Variants in AMHR2 observed in about 807,000 individuals in gnomAD.
The protein encoded by AMHR2 is anti-Mullerian hormone receptor type 2, also known as anti-Muellerian hormone type-2 receptor.
AMHR2 carries 36 observed loss-of-function variants against 61.4 expected under a neutral mutation model. The observed-to-expected ratio is 0.59, with a 90% CI of 0.45 to 0.77. The LOEUF is 0.77. Ranked by LOEUF, AMHR2 falls within the 30% of genes least tolerant of loss-of-function variation. The pLI is 0.00. For missense variants in AMHR2, 638 were observed against 714.6 expected (o/e 0.89, Z 1.22); for synonymous variants, 258 against 279.4 (o/e 0.92, Z 0.76).
rs1409119370 is a variant in AMHR2, at chr12:53,429,572, C to T, written c.1087C>T (p.Gln363Ter). Residue 363 changes from glutamine to a stop codon, truncating the protein, a stop_gained, in exon 8 of 11, where the codon CAG (glutamine) becomes TAG (stop). Coordinates refer to ENST00000257863, the MANE Select transcript of AMHR2 (RefSeq NM_020547.3). LOFTEE classifies it high-confidence loss of function. ...TGCCTTGGTGCTCCCTGGCCTCACT[C>T]AGCCCCCTGCCTGGACCCCTACTCA... ...GLALVLPGLT[Q>*]PPAWTPTQPQ... is the part of the protein sequence containing the mutation. 1 of 1,614,074 alleles carries T rather than the reference C, an allele frequency of 6.2e-7. No homozygotes were observed. Among genetic ancestry groups the T allele is most frequent in the Non-Finnish European group, 8.5e-7 (1 of 1,180,016 alleles).
At chr12:53,429,089 T>C in intron 7 of AMHR2, 79 bp downstream of exon 7, 1 of 1,343,706 alleles carries the variant, frequency 7.4e-7, no homozygotes, top group Non-Finnish European at 1.0e-6. Flanking sequence ...AGGGGAAAGA[T>C]TGGGTCAAAA....
intron 1 of AMHR2, 133 bp from the exon 2 acceptor site, chr12:53,424,155 C>G (rs1939315092): frequency 4.4e-6 from 6 of 1,368,828 alleles, no homozygotes; most frequent in Non-Finnish European, 6.2e-6. Context: ...CTCTGCTGAC[C>G]CTGCTTCCTC....
intron 8 of AMHR2, 86 bp from the exon 9 acceptor site, chr12:53,429,745 G>A (rs1272656235): frequency 1.9e-6 from 3 of 1,605,238 alleles, no homozygotes; most frequent in Admixed American, 3.4e-5. Flanking sequence ...TGCTGAGTCT[G>A]TAGTTGGGGG....
chr12:53,429,910 G>A lies in AMHR2; in HGVS notation c.1220G>A (p.Arg407Gln), dbSNP rs766690921. ...DLQDWGMALR[R>Q]ADIYSLALLL... ...CAGGATTGGGGCATGGCCCTCCGACGAGCTGATATTTACTCTTTGGCTCTG... is the reference window on the plus strand; with the variant it reads ...CAGGATTGGGGCATGGCCCTCCGACAAGCTGATATTTACTCTTTGGCTCTG... The change falls in exon 9 of 11, where the codon CGA becomes CAA. Residue 407 changes from arginine to glutamine, a missense_variant. Coordinates refer to ENST00000257863, the MANE Select transcript of AMHR2 (RefSeq NM_020547.3). 9.3e-6 allele frequency: 15 copies of A among 1,614,028 alleles called. No individual in the cohort carries two copies. Among genetic ancestry groups the A allele is most frequent in the African/African-American group, 4.0e-5 (3 of 74,890 alleles).
chr12:53,426,094 GC>G (rs1226000640), intron 6 of AMHR2, among the ~76,000 whole-genome samples, 175 bp downstream of exon 6: 3 of 152,310 alleles, frequency 2.0e-5, no homozygotes, highest in African/African-American at 7.2e-5. Flanking sequence ...ACTTTGGGAG[GC>G]CAAGGTGGGT....
Position 53,430,217 on chromosome 12 carries a change from T to C in AMHR2, c.1360T>C (p.Trp454Arg). The C allele has an allele frequency of 1.2e-6, 2 of 1,614,198 alleles. No individual in the cohort carries two copies. Among genetic ancestry groups the C allele is most frequent in the East Asian group, 2.2e-5 (1 of 44,880 alleles). ...LGNTPTSDEL[W>R]ALAVQERRRP... is the part of the protein sequence containing the mutation. ...CAATACCCCTACCTCTGATGAGCTA[T>C]GGGCCTTGGCAGTGCAGGAGAGGAG... The change falls in exon 10 of 11, where the codon TGG (tryptophan) becomes CGG (arginine). Residue 454 changes from tryptophan to arginine, a missense_variant. Coordinates refer to ENST00000257863, the MANE Select transcript of AMHR2 (RefSeq NM_020547.3).
chr12:53,427,342 A>G (rs529212429), intron 6 of AMHR2, among the ~76,000 whole-genome samples: 79 of 152,328 alleles, frequency 5.2e-4, no homozygotes, highest in African/African-American at 1.9e-3. Flanking sequence ...GGGCTTTTTA[A>G]GTTTTCATAC....
chr12:53,424,182 C>T, intron 1 of AMHR2, 106 bp from the exon 2 acceptor site: 1 of 1,489,052 alleles, frequency 6.7e-7, no homozygotes. Context: ...CTTTACCATA[C>T]TGACGCTGGG....
chr12:53,429,774 G>A, intron 8 of AMHR2, 57 bp from the exon 9 acceptor site: 1 of 1,612,318 alleles, frequency 6.2e-7, no homozygotes, highest in East Asian at 2.2e-5. Flanking sequence ...ATGGACCATT[G>A]CTGCAATGAG....
At chr12:53,430,107 T>C in intron 9 of AMHR2, 39 bp from the exon 10 acceptor site, 1 of 1,614,056 alleles carries the variant, frequency 6.2e-7, no homozygotes, top group Non-Finnish European at 8.5e-7. Context: ...TAGGCACCCC[T>C]AGGACTAACT....
intron 2 of AMHR2, 33 bp from the exon 3 acceptor site, chr12:53,424,676 T>A: frequency 6.2e-7 from 1 of 1,602,444 alleles, no homozygotes; most frequent in South Asian, 1.1e-5. Context: ...TGCCCCCCCT[T>A]TCTCTCCTCT....
chr12:53,425,951 T>C, intron 6 of AMHR2, 32 bp downstream of exon 6: 1 of 1,593,422 alleles, frequency 6.3e-7, no homozygotes, highest in Non-Finnish European at 8.6e-7. Context: ...TGTGTGTGTG[T>C]GTGCCTGTGT....
chr12:53,430,600 T>C (rs1816160040), intron 10 of AMHR2: 1 of 472,550 alleles, frequency 2.1e-6, no homozygotes, highest in Non-Finnish European at 3.9e-6. Context: ...CCTCCTTGGC[T>C]TTGCTCTTGC....
At chr12:53,425,414 A>G (rs374421820) in intron 4 of AMHR2, 41 bp from the exon 5 acceptor site, 75 of 1,609,346 alleles carry the variant, frequency 4.7e-5, no homozygotes, top group Middle Eastern at 1.6e-4. Flanking sequence ...TCCTGTCCCT[A>G]TGCATTTGCA....
rs1484713604 is a variant in AMHR2, at chr12:53,431,289, A to G, written c.1538A>G (p.Glu513Gly). The change falls in exon 11 of 11, where the codon GAG becomes GGG. Residue 513 changes from glutamate to glycine, a missense_variant. Physicochemically the swap from Glu to Gly is moderately conservative, Grantham distance 98. Coordinates refer to ENST00000257863, the MANE Select transcript of AMHR2 (RefSeq NM_020547.3). ...CTGGCTGCCTTGGCCCATCCTCAAG[A>G]GAGCCACCCCTTTCCAGAGAGCTGT... Reference protein sequence around the residue: ...QRLAALAHPQESHPFPESCPR... With the variant: ...QRLAALAHPQGSHPFPESCPR... 6.2e-7 allele frequency: 1 copy of G among 1,614,174 alleles called. No individual in the cohort carries two copies. The highest frequency in any genetic ancestry group is 1.1e-5 in the South Asian group (1 of 91,082).
chr12:53,428,836 T>TG, intron 6 of AMHR2, 60 bp from the exon 7 acceptor site: 1 of 1,245,228 alleles, frequency 8.0e-7, no homozygotes, highest in Non-Finnish European at 1.1e-6. Context: ...CTCTGCTCCC[T>TG]GGGATGGATC....
At position 53,429,968 on chromosome 12, in the gene AMHR2, T is replaced by A; in HGVS notation, c.1278T>A (p.Asp426Glu). The change falls in exon 9 of 11, where the codon GAT becomes GAA. Residue 426 changes from aspartate to glutamate, a missense_variant. Asp to Glu is a conservative substitution (Grantham distance 45). Transcript: ENST00000257863. Reference sequence around the variant, plus strand: ...GGGAGATACTGAGCCGCTGCCCAGATTTGAGGCCTGGTAAGGATGGGTGGT... The same window carrying A: ...GGGAGATACTGAGCCGCTGCCCAGAATTGAGGCCTGGTAAGGATGGGTGGT... The part of the protein sequence containing the change: ...LLWEILSRCP[D>E]LRPDSSPPPF... 6.2e-7 allele frequency: 1 copy of A among 1,614,178 alleles called. No homozygotes were observed. Among genetic ancestry groups the A allele is most frequent in the Non-Finnish European group, 8.5e-7 (1 of 1,180,020 alleles).
intron 6 of AMHR2, among the ~76,000 whole-genome samples, chr12:53,428,454 C>T (rs897559568): frequency 1.2e-4 from 19 of 152,178 alleles, no homozygotes; most frequent in African/African-American, 3.9e-4. Flanking sequence ...CTGTCTTTGC[C>T]GCATGTCTTC....
At chr12:53,427,683 G>A (rs538171390) in intron 6 of AMHR2, among the ~76,000 whole-genome samples, 3 of 152,306 alleles carry the variant, frequency 2.0e-5, no homozygotes, top group South Asian at 4.1e-4. Context: ...AATTACAGGC[G>A]TGAGCCACCC....
Sources: gnomAD v4.1 joint callset for allele counts (sites outside exome capture counted in the v4.1 genomes callset) on GRCh38, gnomAD v4.1.1 for gene constraint, MANE v1.5 for transcripts, NCBI Gene and HGNC (gene_info 2026-07-23, HGNC 2026-07-21) for gene names.